Variants in TBC1D22A observed in about 807,000 individuals in gnomAD.
The protein encoded by TBC1D22A is putative GTPase activator.
TBC1D22A carries 38 observed loss-of-function variants against 60.2 expected under a neutral mutation model. The observed-to-expected ratio is 0.63, with a 90% CI of 0.49 to 0.83. The LOEUF is 0.83. Ranked by LOEUF, TBC1D22A falls within the 40% of genes least tolerant of loss-of-function variation. The pLI, the probability that TBC1D22A is intolerant of heterozygous loss-of-function variation, is 0.00. For synonymous variants in TBC1D22A, 302 were observed against 281.7 expected (o/e 1.07, Z -0.72); for missense variants, 628 against 701.0 (o/e 0.90, Z 1.18).
chr22:47,113,823 A>T (rs2065934362), intron 12 of TBC1D22A, among the ~76,000 whole-genome samples: 1 of 152,130 alleles, frequency 6.6e-6, no homozygotes, highest in Non-Finnish European at 1.5e-5. Context: ...TGAGCCCCTC[A>T]GGGTGAAGGA....
chr22:47,003,119 C>G (rs1329245833), intron 10 of TBC1D22A, among the ~76,000 whole-genome samples: 1 of 152,126 alleles, frequency 6.6e-6, no homozygotes, highest in African/African-American at 2.4e-5. Context: ...AAATAGAGAA[C>G]GTCTAGTTAA....
intron 12 of TBC1D22A, among the ~76,000 whole-genome samples, chr22:47,137,284 G>C (rs947685908): frequency 6.6e-6 from 1 of 152,134 alleles, no homozygotes; most frequent in Non-Finnish European, 1.5e-5. Context: ...CTCATGCAAA[G>C]AAAAAATATT....
At chr22:46,821,656 C>G (rs1349530483) in intron 4 of TBC1D22A, among the ~76,000 whole-genome samples, 1 of 152,164 alleles carries the variant, frequency 6.6e-6, no homozygotes, top group Non-Finnish European at 1.5e-5. Context: ...TTCTCTCTGG[C>G]TGTTCTTAAC....
At chr22:47,132,447 G>A (rs191181388) in intron 12 of TBC1D22A, among the ~76,000 whole-genome samples, 66 of 152,314 alleles carry the variant, frequency 4.3e-4, no homozygotes, top group African/African-American at 1.4e-3. Flanking sequence ...CAGCTCTGCC[G>A]TGGGACCATG....
At chr22:46,843,522 C>G (rs1037198133) in intron 4 of TBC1D22A, among the ~76,000 whole-genome samples, 3 of 151,380 alleles carry the variant, frequency 2.0e-5, no homozygotes, top group Non-Finnish European at 2.9e-5. Context: ...CAAAAGAGCA[C>G]AGAGTGTGGC....
chr22:46,793,150 T>C (rs1313949372), intron 2 of TBC1D22A, among the ~76,000 whole-genome samples: 1 of 152,248 alleles, frequency 6.6e-6, no homozygotes, highest in African/African-American at 2.4e-5. Flanking sequence ...CAGGCGCTCC[T>C]GGCCCACACC....
chr22:46,958,454 T>C (rs1268389245), intron 8 of TBC1D22A, among the ~76,000 whole-genome samples: 3 of 152,164 alleles, frequency 2.0e-5, no homozygotes, highest in Admixed American at 6.5e-5. Context: ...GGCATATGCA[T>C]GTGGAGAGGC....
intron 4 of TBC1D22A, among the ~76,000 whole-genome samples, chr22:46,820,869 T>C (rs1435080977): frequency 6.6e-6 from 1 of 152,240 alleles, no homozygotes; most frequent in African/African-American, 2.4e-5. Flanking sequence ...TAAGTCTCTT[T>C]GTAGGTCTCT....
intron 8 of TBC1D22A, chr22:46,913,220 G>C: frequency 1.6e-6 from 1 of 634,062 alleles, no homozygotes; most frequent in Non-Finnish European, 2.4e-6. Context: ...AACATAAATA[G>C]GAAAGAGGGG....
chr22:46,969,896 G>A (rs1042906093), intron 8 of TBC1D22A, among the ~76,000 whole-genome samples: 1 of 152,152 alleles, frequency 6.6e-6, no homozygotes, highest in African/African-American at 2.4e-5. Context: ...AAAAGTAAAA[G>A]ATACAATCAT....
chr22:47,033,813 G>A (rs977437386), intron 10 of TBC1D22A, among the ~76,000 whole-genome samples: 4 of 152,160 alleles, frequency 2.6e-5, no homozygotes, highest in Admixed American at 6.5e-5. Context: ...TGGTGCCACC[G>A]CAGGAGGCAT....
At chr22:47,154,705 G>C (rs970279778) in intron 12 of TBC1D22A, among the ~76,000 whole-genome samples, 2 of 152,242 alleles carry the variant, frequency 1.3e-5, no homozygotes, top group Non-Finnish European at 2.9e-5. Context: ...GGCAGGGAGT[G>C]ATGGCGGCTG....
Position 47,158,679 on chromosome 22 carries a change from A to G in TBC1D22A, c.1426-14819A>G, listed in dbSNP as rs551210873. 6.2e-4 allele frequency among the ~76,000 whole-genome samples: 94 copies of G among 152,250 alleles called. 2 individuals carry two copies. In the South Asian group the frequency reaches 0.018, roughly 30 times the overall value. On this transcript the variant is annotated intron_variant, in intron 12 of 12. Transcript: ENST00000337137. The stretch of plus-strand genomic sequence containing the variant: ...CAGGACCCCCTGCAGAGGACACACC[A>G]CACAGCTCTGGTTTCTTCGGCCAGG...
At chr22:46,841,047 G>GTGT (rs1555909300) in intron 4 of TBC1D22A, among the ~76,000 whole-genome samples, 4,585 of 147,416 alleles carry the variant, frequency 0.031, 84 homozygotes, top group Middle Eastern at 0.056. Flanking sequence ...AATGAAAATG[G>GTGT]GTGTGTGTGT....
chr22:46,823,269 T>G (rs2085905752), intron 4 of TBC1D22A, among the ~76,000 whole-genome samples: 1 of 152,196 alleles, frequency 6.6e-6, no homozygotes, highest in South Asian at 2.1e-4. Flanking sequence ...AAATCTGATT[T>G]ATTCAAAGGT....
intron 8 of TBC1D22A, among the ~76,000 whole-genome samples, chr22:46,972,711 G>A (rs140387422): frequency 3.1e-4 from 47 of 152,306 alleles, no homozygotes; most frequent in African/African-American, 1.1e-3. Flanking sequence ...AACTAGCGGT[G>A]ACGCTTGTGA....
At chr22:46,904,149 A>AT (rs1166059872) in intron 7 of TBC1D22A, among the ~76,000 whole-genome samples, 5 of 78,906 alleles carry the variant, frequency 6.3e-5, no homozygotes, top group African/African-American at 1.4e-4. Context: ...CTATCTACCT[A>AT]CCTACCTACC....
At chr22:47,075,222 C>CAAAAAAAAAAAAAAAA (rs386395628) in intron 11 of TBC1D22A, among the ~76,000 whole-genome samples, 5 of 114,158 alleles carry the variant, frequency 4.4e-5, no homozygotes, top group African/African-American at 1.8e-4. Context: ...GATTCCGTCT[C>CAAAAAAAAAAAAAAAA]AAAAAAAAAA....
chr22:46,861,008 C>T (rs1387930823), intron 4 of TBC1D22A, among the ~76,000 whole-genome samples: 1 of 152,058 alleles, frequency 6.6e-6, no homozygotes, highest in East Asian at 1.9e-4. Flanking sequence ...AGGGTCTAAG[C>T]TCTGTTGCCC....
Sources: gnomAD v4.1 joint callset for allele counts (sites outside exome capture counted in the v4.1 genomes callset) on GRCh38, gnomAD v4.1.1 for gene constraint, MANE v1.5 for transcripts, NCBI Gene and HGNC (gene_info 2026-07-23, HGNC 2026-07-21) for gene names.